ACSS3: variants seen among roughly 807,000 people sequenced by gnomAD.
ACSS3 encodes acyl-CoA synthetase short chain family member 3.
A neutral mutation model predicts 84.2 loss-of-function variants in ACSS3; 64 were observed. The observed-to-expected ratio is 0.76, with a 90% CI of 0.62 to 0.94. The LOEUF (loss-of-function observed/expected upper bound fraction) is 0.94. Ranked by LOEUF, ACSS3 falls within the 40% of genes least tolerant of loss-of-function variation. The pLI, the probability that ACSS3 is intolerant of heterozygous loss-of-function variation, is 0.00. For synonymous variants in ACSS3, 317 were observed against 310.1 expected (o/e 1.02, Z -0.23); for missense variants, 815 against 867.6 (o/e 0.94, Z 0.76).
intron 13 of ACSS3, among the ~76,000 whole-genome samples, chr12:81,241,621 G>A (rs1472038332): frequency 6.6e-6 from 1 of 152,150 alleles, no homozygotes; most frequent in Non-Finnish European, 1.5e-5. Flanking sequence ...TTTTTTGGCT[G>A]CATAAATGTC....
At chr12:81,247,314 G>C (rs936041806) in intron 13 of ACSS3, among the ~76,000 whole-genome samples, 6 of 152,132 alleles carry the variant, frequency 3.9e-5, no homozygotes, top group South Asian at 4.1e-4. Flanking sequence ...ATTATTATTA[G>C]TCAAAAACCT....
intron 9 of ACSS3, chr12:81,199,654 C>T: frequency 6.8e-7 from 1 of 1,479,372 alleles, no homozygotes; most frequent in South Asian, 1.2e-5. Flanking sequence ...TTCTCTTGGT[C>T]CCTAGGTATA....
At chr12:81,093,224 C>T (rs1881785842) in intron 1 of ACSS3, among the ~76,000 whole-genome samples, 1 of 151,876 alleles carries the variant, frequency 6.6e-6, no homozygotes, top group Non-Finnish European at 1.5e-5. Context: ...CCAAGGTAAG[C>T]GGATCAATTG....
At chr12:81,129,045 A>G (rs1885307055) in intron 2 of ACSS3, among the ~76,000 whole-genome samples, 1 of 152,192 alleles carries the variant, frequency 6.6e-6, no homozygotes, top group South Asian at 2.1e-4. Flanking sequence ...TTTTGTCTGT[A>G]GACCAGCTCT....
At chr12:81,161,097 C>A (rs1393764454) in intron 7 of ACSS3, among the ~76,000 whole-genome samples, 1 of 152,200 alleles carries the variant, frequency 6.6e-6, no homozygotes, top group African/African-American at 2.4e-5. Context: ...AACATAAATT[C>A]TCCTGTAATC....
At chr12:81,126,994 C>T (rs76578813) in intron 2 of ACSS3, among the ~76,000 whole-genome samples, 63 of 151,586 alleles carry the variant, frequency 4.2e-4, no homozygotes, top group African/African-American at 8.9e-4. Context: ...TAATACAATG[C>T]GATTCTTAAA....
intron 1 of ACSS3, among the ~76,000 whole-genome samples, chr12:81,104,241 A>C (rs1882775694): frequency 6.6e-6 from 1 of 152,114 alleles, no homozygotes; most frequent in African/African-American, 2.4e-5. Context: ...TGGGTTCTTA[A>C]GAAGCTAGCA....
At chr12:81,096,790 G>A (rs1882091656) in intron 1 of ACSS3, among the ~76,000 whole-genome samples, 1 of 152,156 alleles carries the variant, frequency 6.6e-6, no homozygotes, top group African/African-American at 2.4e-5. Context: ...TCCCTGCAAA[G>A]GACATGAACT....
At chr12:81,111,320 G>A (rs1883563586) in intron 2 of ACSS3, among the ~76,000 whole-genome samples, 1 of 152,108 alleles carries the variant, frequency 6.6e-6, no homozygotes. Context: ...AACCCCTATT[G>A]ACTCCAGTGG....
chr12:81,237,110 G>A (rs962815130), intron 13 of ACSS3, among the ~76,000 whole-genome samples: 2 of 151,408 alleles, frequency 1.3e-5, no homozygotes, highest in African/African-American at 2.4e-5. Context: ...GAGCCAGACC[G>A]CCCTGTGCAT....
chr12:81,213,984 T>TTTCTTTCTTTC (rs2032796687), intron 9 of ACSS3, among the ~76,000 whole-genome samples: 1 of 42,254 alleles, frequency 2.4e-5, no homozygotes, highest in African/African-American at 5.3e-5. Flanking sequence ...TCTTTCTTTC[T>TTTCTTTCTTTC]TTCTTTCTTT....
chr12:81,196,113 A>G (rs1394592998), intron 8 of ACSS3, among the ~76,000 whole-genome samples: 1 of 152,178 alleles, frequency 6.6e-6, no homozygotes, highest in Non-Finnish European at 1.5e-5. Flanking sequence ...ATGCATACAG[A>G]TCCATGTCAG....
chr12:81,175,140 C>T lies in ACSS3; in HGVS notation c.1250+201C>T, dbSNP rs139968083. ...GCTTAGAGATTTTAAAATATTATAT[C>T]ATGTTAATTTCAGTTCAAATATTAT... On this transcript the variant is annotated intron_variant, in intron 8 of 15. Coordinates refer to ENST00000548058, the MANE Select transcript of ACSS3 (RefSeq NM_024560.4). 2.2e-3 allele frequency among the ~76,000 whole-genome samples: 333 copies of T among 152,164 alleles called. 1 individual carries two copies. Among genetic ancestry groups the T allele is most frequent in the African/African-American group, 7.3e-3 (304 of 41,504 alleles).
intron 9 of ACSS3, among the ~76,000 whole-genome samples, chr12:81,200,813 GA>G (rs1197200841): frequency 6.7e-6 from 1 of 148,308 alleles, no homozygotes; most frequent in Admixed American, 6.8e-5. Context: ...AGAATTGCTT[GA>G]ACCCAGGAGG....
intron 2 of ACSS3, among the ~76,000 whole-genome samples, chr12:81,110,309 A>T (rs1883472182): frequency 6.6e-6 from 1 of 152,094 alleles, no homozygotes; most frequent in Non-Finnish European, 1.5e-5. Flanking sequence ...ATTGCCTTAG[A>T]TACTCCTGGG....
At chr12:81,173,263 G>C (rs1714285707) in intron 7 of ACSS3, among the ~76,000 whole-genome samples, 1 of 152,170 alleles carries the variant, frequency 6.6e-6, no homozygotes, top group African/African-American at 2.4e-5. Context: ...GTGTTGCCAG[G>C]CTGTATTTTG....
chr12:81,251,189 A>G (rs1366308127), intron 13 of ACSS3, among the ~76,000 whole-genome samples: 1 of 152,176 alleles, frequency 6.6e-6, no homozygotes, highest in Non-Finnish European at 1.5e-5. Flanking sequence ...CTTGAAGACA[A>G]TATAAAGATC....
chr12:81,213,900 TTG>T (rs1565724034), intron 9 of ACSS3, among the ~76,000 whole-genome samples: 29 of 44,544 alleles, frequency 6.5e-4, no homozygotes, highest in Non-Finnish European at 1.3e-3. Context: ...TTTCTTTCTT[TTG>T]TCCTTCCTTC....
chr12:81,259,364 G>C lies in ACSS3; in HGVS notation c.*4442G>C, dbSNP rs549851679. 2.0e-3 allele frequency: 1,189 copies of C among 584,314 alleles called. 4 individuals carry two copies. Among genetic ancestry groups the C allele is most frequent in the Non-Finnish European group, 2.0e-3 (640 of 317,656 alleles). The allele number at this position is 584,314 out of a possible 1,614,324, so 36.2% of individuals were successfully genotyped here. ...AAGAAATGCACGGTAATACATAAAT[G>C]CCTAGTATATTACAATAAAACATGA... On this transcript the variant is annotated 3_prime_UTR_variant, in exon 16 of 16. Coordinates refer to ENST00000548058, the MANE Select transcript of ACSS3 (RefSeq NM_024560.4).
Sources: gnomAD v4.1 joint callset for allele counts (sites outside exome capture counted in the v4.1 genomes callset) on GRCh38, gnomAD v4.1.1 for gene constraint, MANE v1.5 for transcripts, NCBI Gene and HGNC (gene_info 2026-07-23, HGNC 2026-07-21) for gene names.